The following ATG7 variants were observed in gnomAD, a reference collection of about 807,000 sequenced individuals.
The protein encoded by ATG7 is ubiquitin-like modifier-activating enzyme ATG7.
A neutral mutation model predicts 82.4 loss-of-function variants in ATG7; 70 were observed. The observed-to-expected ratio is 0.85, with a 90% confidence interval of 0.70 to 1.04. The LOEUF (loss-of-function observed/expected upper bound fraction) is 1.04. ATG7 is among the 50% of genes least tolerant of loss of function. ATG7 has a pLI of 0.00. For synonymous variants in ATG7, 287 were observed against 313.0 expected (o/e 0.92, Z 0.88); for missense variants, 792 against 864.3 (o/e 0.92, Z 1.05).
At chr3:11,531,728 A>G (rs1575214071) in intron 20 of ATG7, among the ~76,000 whole-genome samples, 1 of 152,030 alleles carries the variant, frequency 6.6e-6, no homozygotes, top group East Asian at 1.9e-4. Flanking sequence ...GCCAGGCATG[A>G]TGGCACATGT....
intron 14 of ATG7, among the ~76,000 whole-genome samples, chr3:11,352,742 T>G (rs951471377): frequency 1.3e-5 from 2 of 152,206 alleles, no homozygotes; most frequent in Non-Finnish European, 2.9e-5. Flanking sequence ...TAAGTAGACA[T>G]TGCTCAGGAA....
Position 11,438,585 on chromosome 3 carries a change from T to A in ATG7, c.2079+11659T>A, listed in dbSNP as rs544289336. ...TGTCTTAACTAAAACAAAACAAAAA[T>A]AAAGATTTTTTTTCTTTTTAACCTA... is the stretch of plus-strand genomic sequence containing the variant. On this transcript the variant is annotated intron_variant, in intron 20 of 20. Transcript: ENST00000693202. Among the ~76,000 whole-genome samples the A allele has an allele frequency of 2.2e-4, 12 of 53,392 alleles. No homozygotes were observed. In the East Asian group the frequency reaches 0.027, roughly 121 times the overall value. 35.0% of individuals were successfully genotyped at this position (53,392 alleles called of 152,430 possible).
In ATG7 at chr3:11,309,032, C is replaced by G; in HGVS notation, c.382C>G (p.Leu128Val). The change falls in exon 7 of 21, where the codon CTC becomes GTC. Residue 128 changes from leucine to valine, a missense_variant. Transcript: ENST00000693202. Reference sequence around the variant, plus strand: ...CACTGCTCTTGAAAACCCTGTACTCCTCAACAAGTTCCTCCTCTTGACATT... The same window carrying G: ...CACTGCTCTTGAAAACCCTGTACTCGTCAACAAGTTCCTCCTCTTGACATT... ...SGTALENPVL[L>V]NKFLLLTFAD... 6.2e-7 allele frequency: 1 copy of G among 1,614,040 alleles called. No homozygotes were observed.
intron 19 of ATG7, among the ~76,000 whole-genome samples, chr3:11,407,873 C>T (rs775436811): frequency 3.3e-5 from 5 of 152,182 alleles, no homozygotes; most frequent in African/African-American, 1.2e-4. Context: ...TCCTAGGCTT[C>T]AGGGCCTGTA....
chr3:11,383,348 C>G (rs980139569), intron 19 of ATG7, among the ~76,000 whole-genome samples: 10 of 152,084 alleles, frequency 6.6e-5, no homozygotes, highest in Non-Finnish European at 1.3e-4. Flanking sequence ...TGATGTTTCC[C>G]TATGATTCGA....
chr3:11,428,797 T>C (rs2152947465), intron 20 of ATG7, among the ~76,000 whole-genome samples: 1 of 152,348 alleles, frequency 6.6e-6, no homozygotes. Context: ...AACTTATGTA[T>C]TGTTAGCTAG....
chr3:11,519,375 G>T (rs1195169446), intron 20 of ATG7, among the ~76,000 whole-genome samples: 2 of 151,932 alleles, frequency 1.3e-5, no homozygotes, highest in Non-Finnish European at 2.9e-5. Context: ...TTTCTGGATG[G>T]TGAATCTTAC....
chr3:11,427,087 A>G (rs904472453), intron 20 of ATG7, among the ~76,000 whole-genome samples, 161 bp downstream of exon 20: 1 of 152,254 alleles, frequency 6.6e-6, no homozygotes, highest in African/African-American at 2.4e-5. Flanking sequence ...AATAACCCTC[A>G]GCAAGTGCTG....
intron 9 of ATG7, among the ~76,000 whole-genome samples, chr3:11,320,438 C>G (rs578262707): frequency 6.6e-6 from 1 of 152,238 alleles, no homozygotes; most frequent in African/African-American, 2.4e-5. Flanking sequence ...CAGGCATACG[C>G]CACCACACCT....
chr3:11,326,510 G>C (rs1950902455), intron 9 of ATG7, among the ~76,000 whole-genome samples: 1 of 152,176 alleles, frequency 6.6e-6, no homozygotes, highest in African/African-American at 2.4e-5. Context: ...GTGTTAGCCA[G>C]GATGGTCTTG....
chr3:11,567,281 G>T, the ATG7 span, among the ~76,000 whole-genome samples: 1 of 152,284 alleles, frequency 6.6e-6, no homozygotes, highest in African/African-American at 2.4e-5. Context: ...GCGGCGCAGT[G>T]CAGCCCTCAG....
intron 7 of ATG7, among the ~76,000 whole-genome samples, chr3:11,311,101 T>C (rs977906151): frequency 6.6e-6 from 1 of 152,186 alleles, no homozygotes; most frequent in Non-Finnish European, 1.5e-5. Flanking sequence ...AAGGTTTGCC[T>C]AGAGTCAGTA....
chr3:11,355,836 A>G (rs2075896440), intron 14 of ATG7, among the ~76,000 whole-genome samples: 1 of 152,194 alleles, frequency 6.6e-6, no homozygotes, highest in African/African-American at 2.4e-5. Flanking sequence ...CAGAAATTGT[A>G]CCTTTAGATC....
chr3:11,447,407 C>T (rs889625160), intron 20 of ATG7, among the ~76,000 whole-genome samples: 1 of 150,610 alleles, frequency 6.6e-6, no homozygotes, highest in African/African-American at 2.4e-5. Flanking sequence ...GTGGAGGTTG[C>T]AGTGAGCCGA....
chr3:11,567,634 A>G, the ATG7 span, among the ~76,000 whole-genome samples: 1 of 152,160 alleles, frequency 6.6e-6, no homozygotes, highest in Non-Finnish European at 1.5e-5. Context: ...AGGTTTCTGC[A>G]ATGAATGCCT....
At chr3:11,408,463 G>T (rs1198368882) in intron 19 of ATG7, among the ~76,000 whole-genome samples, 2 of 152,094 alleles carry the variant, frequency 1.3e-5, no homozygotes, top group African/African-American at 4.8e-5. Flanking sequence ...CCACATTTTG[G>T]GTATCTTTTC....
chr3:11,337,469 G>GCTCT (rs66816143), intron 11 of ATG7, among the ~76,000 whole-genome samples: 121 of 149,516 alleles, frequency 8.1e-4, no homozygotes, highest in African/African-American at 2.7e-3. Context: ...TGTCTTTCTA[G>GCTCT]CTCTCTCTCT....
chr3:11,427,651 A>G (rs1410380347), intron 20 of ATG7, among the ~76,000 whole-genome samples: 1 of 151,946 alleles, frequency 6.6e-6, no homozygotes, highest in African/African-American at 2.4e-5. Flanking sequence ...CCGTGTCTTC[A>G]CTAAAATAAA....
chr3:11,484,812 C>G (rs6806306), intron 20 of ATG7, among the ~76,000 whole-genome samples: 3 of 151,646 alleles, frequency 2.0e-5, no homozygotes, highest in Middle Eastern at 3.2e-3. Context: ...TTTGTTCTTG[C>G]GATAGTTTAC....
Sources: allele counts gnomAD v4.1 joint callset (sites outside exome capture counted in the v4.1 genomes callset), GRCh38; gene constraint gnomAD v4.1.1; transcripts MANE v1.5; gene names NCBI Gene and HGNC (gene_info 2026-07-23, HGNC 2026-07-21).